The following XIRP2 variants were observed in gnomAD, a reference collection of about 807,000 sequenced individuals.
XIRP2 encodes xin actin binding repeat containing 2.
In XIRP2, 236 loss-of-function variants were observed where a neutral mutation model predicts 277.0. That is an observed-to-expected ratio of 0.85 (90% CI 0.77 to 0.95). The LOEUF (loss-of-function observed/expected upper bound fraction) is 0.95, where lower values mean the gene tolerates loss of function less well. Among genes scored for constraint, XIRP2 ranks in the 40% least tolerant of loss-of-function variants. The pLI, the probability that XIRP2 is intolerant of heterozygous loss-of-function variation, is 0.00. For synonymous variants in XIRP2, 1,490 were observed against 1,416.5 expected, an observed-to-expected ratio of 1.05 and a Z score of -1.17; for missense variants, 4,640 against 4,157.5, an observed-to-expected ratio of 1.12 and a Z score of -3.19.
intron 2 of XIRP2, among the ~76,000 whole-genome samples, chr2:166,981,415 C>A (rs1686866439): frequency 6.6e-6 from 1 of 151,556 alleles, no homozygotes; most frequent in Non-Finnish European, 1.5e-5. Flanking sequence ...TGTGTGTCCT[C>A]TGCTCTTCTT....
chr2:166,945,848 T>C (rs1002261731), intron 2 of XIRP2, among the ~76,000 whole-genome samples: 2 of 152,028 alleles, frequency 1.3e-5, no homozygotes, highest in South Asian at 2.1e-4. Context: ...ATTTTGTTTG[T>C]TTGTTTGTTT....
chr2:167,077,654 C>A (rs1463482935), intron 2 of XIRP2, among the ~76,000 whole-genome samples: 2 of 152,160 alleles, frequency 1.3e-5, no homozygotes, highest in Admixed American at 6.5e-5. Context: ...TAAGTATGGA[C>A]ACCTGGGGAA....
intron 3 of XIRP2, among the ~76,000 whole-genome samples, chr2:167,195,763 A>G (rs551874006): frequency 6.6e-6 from 1 of 152,338 alleles, no homozygotes; most frequent in African/African-American, 2.4e-5. Context: ...TATAGGGACA[A>G]GAAAGGTTGG....
intron 2 of XIRP2, among the ~76,000 whole-genome samples, chr2:166,906,443 AAT>A (rs1684527292): frequency 6.6e-6 from 1 of 152,090 alleles, no homozygotes; most frequent in African/African-American, 2.4e-5. Context: ...ATTTTTATAT[AAT>A]ATATGTGTAT....
chr2:166,907,150 G>T (rs549887580), intron 2 of XIRP2, among the ~76,000 whole-genome samples: 2 of 152,140 alleles, frequency 1.3e-5, no homozygotes, highest in South Asian at 4.1e-4. Flanking sequence ...TTAGAATGAA[G>T]ATTTAAACTG....
intron 2 of XIRP2, among the ~76,000 whole-genome samples, chr2:166,908,119 G>C (rs1015037264): frequency 2.0e-5 from 3 of 151,980 alleles, no homozygotes; most frequent in Non-Finnish European, 2.9e-5. Context: ...TAATCCTTTG[G>C]GTGTATACCC....
chr2:166,932,883 A>G (rs1031538484), intron 2 of XIRP2, among the ~76,000 whole-genome samples: 1 of 152,126 alleles, frequency 6.6e-6, no homozygotes, highest in Non-Finnish European at 1.5e-5. Context: ...TGAACCAACT[A>G]TTCTATTCAT....
At chr2:167,129,362 C>T (rs562751208) in intron 2 of XIRP2, among the ~76,000 whole-genome samples, 37 of 151,670 alleles carry the variant, frequency 2.4e-4, no homozygotes, top group African/African-American at 6.0e-4. Flanking sequence ...TCTTCACTCA[C>T]GGATCCACAC....
intron 2 of XIRP2, among the ~76,000 whole-genome samples, chr2:167,129,823 T>C (rs1691322457): frequency 6.9e-6 from 1 of 145,870 alleles, no homozygotes. Flanking sequence ...TGAGCTGAGA[T>C]CGCGCCATTG....
chr2:167,258,305 C>T lies in XIRP2; in HGVS notation c.*488C>T. 4 of 1,613,278 alleles carry T rather than the reference C, an allele frequency of 2.5e-6. No homozygotes were observed. The South Asian group carries it at 4.4e-5, about 18-fold the overall frequency. ...ATCTCTGCTAGAAGATGTTAGAACT[C>T]CAGAAAATAAAGGACAAAGACAAGA... On this transcript the variant is annotated 3_prime_UTR_variant, in exon 11 of 11. Coordinates refer to ENST00000409195, the MANE Select transcript of XIRP2 (RefSeq NM_152381.6).
intron 2 of XIRP2, among the ~76,000 whole-genome samples, chr2:167,017,135 G>A (rs917346898): frequency 6.6e-6 from 1 of 151,886 alleles, no homozygotes; most frequent in Non-Finnish European, 1.5e-5. Context: ...CATTGTTTCT[G>A]TGGACCTTCA....
intron 2 of XIRP2, among the ~76,000 whole-genome samples, chr2:166,933,294 G>A (rs1165166008): frequency 6.6e-6 from 1 of 151,556 alleles, no homozygotes; most frequent in African/African-American, 2.4e-5. Flanking sequence ...GACTACAGGG[G>A]CCCACCACCA....
At chr2:166,893,368 C>A (rs1327279139) in intron 1 of XIRP2, among the ~76,000 whole-genome samples, 3 of 152,090 alleles carry the variant, frequency 2.0e-5, no homozygotes, top group African/African-American at 7.2e-5. Flanking sequence ...AAATTATTTG[C>A]ATTTTTAAAA....
intron 2 of XIRP2, among the ~76,000 whole-genome samples, chr2:167,054,376 G>A (rs1422837622): frequency 1.1e-4 from 17 of 152,084 alleles, no homozygotes; most frequent in Admixed American, 1.1e-3. Context: ...AGTGGTTCAT[G>A]TGTTCTGAGG....
At chr2:167,241,726 C>T in intron 7 of XIRP2, 51 bp from the exon 8 acceptor site, 1 of 1,551,124 alleles carries the variant, frequency 6.4e-7, no homozygotes, top group East Asian at 2.3e-5. Context: ...TCTTCTTAAA[C>T]ATAATTTTTA....
intron 2 of XIRP2, among the ~76,000 whole-genome samples, chr2:167,022,814 A>G (rs1574173066): frequency 6.6e-6 from 1 of 152,066 alleles, no homozygotes; most frequent in African/African-American, 2.4e-5. Flanking sequence ...ATTCTATTCC[A>G]TGGTGTATAT....
At chr2:167,252,194 G>A (rs1695532175) in intron 9 of XIRP2, among the ~76,000 whole-genome samples, 1 of 151,916 alleles carries the variant, frequency 6.6e-6, no homozygotes, top group Non-Finnish European at 1.5e-5. Flanking sequence ...ACAGATTACT[G>A]GGACATATTT....
At chr2:166,920,592 G>A (rs1685011323) in intron 2 of XIRP2, among the ~76,000 whole-genome samples, 2 of 152,042 alleles carry the variant, frequency 1.3e-5, no homozygotes, top group Admixed American at 1.3e-4. Flanking sequence ...AGTTTGTCAG[G>A]ATTTTCCCCT....
At chr2:167,179,847 T>G (rs1411604845) in intron 3 of XIRP2, among the ~76,000 whole-genome samples, 2 of 152,084 alleles carry the variant, frequency 1.3e-5, no homozygotes, top group Non-Finnish European at 2.9e-5. Flanking sequence ...AGGATCTCCC[T>G]ATGTTGTCTA....
Sources: allele counts gnomAD v4.1 joint callset (sites outside exome capture counted in the v4.1 genomes callset), GRCh38; gene constraint gnomAD v4.1.1; transcripts MANE v1.5; gene names NCBI Gene and HGNC (gene_info 2026-07-23, HGNC 2026-07-21).